The following CDK5RAP2 variants were observed in gnomAD, a reference collection of about 807,000 sequenced individuals.
CDK5RAP2 encodes CDK5 regulatory subunit-associated protein 2.
Under a neutral mutation model 232.9 loss-of-function variants are expected in CDK5RAP2, and 147 were observed. The ratio of observed to expected loss-of-function variants is 0.63; its 90% CI spans 0.55 to 0.72. The LOEUF (loss-of-function observed/expected upper bound fraction) is 0.72. Among genes scored for constraint, CDK5RAP2 ranks in the 30% least tolerant of loss-of-function variants. CDK5RAP2 has a pLI of 0.00. For missense variants in CDK5RAP2, 2,195 were observed against 2,231.5 expected (o/e 0.98, Z 0.33); for synonymous variants, 833 against 833.7 (o/e 1.00, Z 0.01).
chr9:120,408,714 T>C (rs555431116), intron 30 of CDK5RAP2, among the ~76,000 whole-genome samples: 17 of 152,356 alleles, frequency 1.1e-4, no homozygotes, highest in African/African-American at 4.1e-4. Context: ...TGCAGCCCGA[T>C]GTGATTTGGT....
intron 6 of CDK5RAP2, among the ~76,000 whole-genome samples, chr9:120,536,978 G>GA (rs879745635): frequency 0.026 from 2,740 of 105,886 alleles, 65 homozygotes; most frequent in African/African-American, 0.073. Flanking sequence ...ATTCAGTTGG[G>GA]AAAAAAAAAA....
rs1172124963 is a variant in CDK5RAP2 at position 120,539,065 on chromosome 9, A to G, written c.483T>C (p.Thr161=). ...CCTTTTCCAAAAGGAGTATTCTTTT[A>G]GTTAGGAGATCTTCCACCTGCTGCA... The part of the protein sequence containing the change: ...KKVQQVEDLL[T]KRILLLEKDV... The change falls in exon 6 of 38, where the codon ACT becomes ACC. Residue 161 remains threonine (T), a synonymous_variant. Transcript: ENST00000349780. The G allele has an allele frequency of 5.6e-6, 9 of 1,613,924 alleles. No individual in the cohort carries two copies. The African/African-American group carries it at 1.1e-4, about 19-fold the overall frequency.
At chr9:120,482,651 G>T (rs927969850) in intron 14 of CDK5RAP2, among the ~76,000 whole-genome samples, 1 of 152,172 alleles carries the variant, frequency 6.6e-6, no homozygotes, top group African/African-American at 2.4e-5. Context: ...AAGGCTGAGG[G>T]CTCCTGGCAA....
At chr9:120,481,391 T>C (rs759837882) in intron 14 of CDK5RAP2, among the ~76,000 whole-genome samples, 2 of 152,152 alleles carry the variant, frequency 1.3e-5, no homozygotes, top group Non-Finnish European at 1.5e-5. Flanking sequence ...GAAAATCTAT[T>C]GTTTCTTGAG....
intron 37 of CDK5RAP2, 49 bp downstream of exon 37, chr9:120,389,692 T>C (rs1588204331): frequency 6.4e-7 from 1 of 1,570,608 alleles, no homozygotes; most frequent in Non-Finnish European, 8.8e-7. Context: ...GGCCCTGCAC[T>C]CCTCCTGACC....
chr9:120,571,781 A>T, intron 2 of CDK5RAP2, 193 bp downstream of exon 2: 1 of 625,118 alleles, frequency 1.6e-6, no homozygotes, highest in Non-Finnish European at 2.9e-6. Flanking sequence ...AAAGGACAAC[A>T]ATTCCTCTAG....
chr9:120,521,679 T>C (rs2040667058), intron 11 of CDK5RAP2, among the ~76,000 whole-genome samples: 2 of 144,264 alleles, frequency 1.4e-5, no homozygotes, highest in African/African-American at 5.2e-5. Flanking sequence ...ACAGTCTCGC[T>C]CTGTTGCCCA....
intron 15 of CDK5RAP2, among the ~76,000 whole-genome samples, chr9:120,475,006 C>T (rs911641444): frequency 1.3e-5 from 2 of 152,206 alleles, no homozygotes; most frequent in Admixed American, 6.5e-5. Context: ...GCTTTTCATG[C>T]TGTCATTATT....
intron 5 of CDK5RAP2, among the ~76,000 whole-genome samples, chr9:120,541,634 T>C (rs1434318220): frequency 6.6e-6 from 1 of 152,240 alleles, no homozygotes; most frequent in Admixed American, 6.5e-5. Flanking sequence ...CCAACAAATA[T>C]GTTTATCTCA....
intron 34 of CDK5RAP2, among the ~76,000 whole-genome samples, chr9:120,402,080 C>T (rs1159019385): frequency 1.3e-5 from 2 of 152,076 alleles, no homozygotes; most frequent in Non-Finnish European, 2.9e-5. Context: ...TCATTTGAGC[C>T]CAGGAGTTCG....
rs756841252 is a variant in CDK5RAP2, at chr9:120,530,139, G to C, written c.664C>G (p.Leu222Val). The part of the protein sequence containing the change: ...MALVLDEKDR[L>V]IEELKLSLKS... Reference sequence around the variant, plus strand: ...AAAGACAGCTTCAACTCCTCAATCAGTCTAAAAGAGAACAAAATTTAAATA... The same window carrying C: ...AAAGACAGCTTCAACTCCTCAATCACTCTAAAAGAGAACAAAATTTAAATA... The change falls in exon 8 of 38, where the codon CTG (leucine) becomes GTG (valine). Residue 222 changes from leucine (L) to valine (V), a missense_variant and splice_region_variant. Transcript: ENST00000349780. 2 of 1,611,362 alleles carry C rather than the reference G, an allele frequency of 1.2e-6. No individual in the cohort carries two copies. The highest frequency in any genetic ancestry group is 2.7e-5 in the African/African-American group (2 of 74,856).
chr9:120,543,109 T>C (rs1026811445), intron 5 of CDK5RAP2, among the ~76,000 whole-genome samples: 3 of 152,176 alleles, frequency 2.0e-5, no homozygotes, highest in African/African-American at 7.2e-5. Flanking sequence ...CTCATGACCT[T>C]AACCCCAAAC....
At chr9:120,534,908 C>T (rs1185839306) in intron 7 of CDK5RAP2, among the ~76,000 whole-genome samples, 2 of 152,276 alleles carry the variant, frequency 1.3e-5, no homozygotes, top group Non-Finnish European at 2.9e-5. Context: ...CAAGGGAACA[C>T]GGAAATGATT....
chr9:120,389,923 G>T, intron 36 of CDK5RAP2, 136 bp from the exon 37 acceptor site: 1 of 769,108 alleles, frequency 1.3e-6, no homozygotes, highest in Non-Finnish European at 2.3e-6. Flanking sequence ...GAAGCATCCA[G>T]ACCAGAGGGA....
chr9:120,443,370 A>G lies in CDK5RAP2; in HGVS notation c.3148+250T>C, dbSNP rs1490008585. Among the ~76,000 whole-genome samples the G allele has an allele frequency of 2.0e-5, 3 of 152,222 alleles. No homozygotes were observed. In the East Asian group the frequency reaches 5.8e-4, roughly 29 times the overall value. ...ACCAGAACCCAGCCCACTGCCTGGT[A>G]GAGAAGCATGCTGACACATGGACGG... is the stretch of plus-strand genomic sequence containing the variant. On this transcript the variant is annotated intron_variant, in intron 23 of 37. Transcript: ENST00000349780.
At chr9:120,465,092 A>G (rs1435734435) in intron 18 of CDK5RAP2, among the ~76,000 whole-genome samples, 1 of 152,252 alleles carries the variant, frequency 6.6e-6, no homozygotes, top group Non-Finnish European at 1.5e-5. Flanking sequence ...GTCAAAAAAA[A>G]GTGAGTTTTC....
chr9:120,520,719 T>TGA (rs140172623), intron 11 of CDK5RAP2, among the ~76,000 whole-genome samples: 145,196 of 151,166 alleles, frequency 0.96, 70,010 homozygotes, highest in East Asian at 1. Context: ...TCATATATCA[T>TGA]GATATATCAT....
intron 8 of CDK5RAP2, chr9:120,529,035 C>A: frequency 3.5e-6 from 2 of 577,778 alleles, no homozygotes; most frequent in Non-Finnish European, 6.2e-6. Context: ...AGAGAGTAAA[C>A]CACAGTGCTG....
At chr9:120,454,337 C>G (rs2036635899) in intron 20 of CDK5RAP2, among the ~76,000 whole-genome samples, 1 of 152,188 alleles carries the variant, frequency 6.6e-6, no homozygotes, top group Non-Finnish European at 1.5e-5. Context: ...ATGACCTAAT[C>G]CATCTTGGTA....
Sources: allele counts gnomAD v4.1 joint callset (sites outside exome capture counted in the v4.1 genomes callset), GRCh38; gene constraint gnomAD v4.1.1; transcripts MANE v1.5; gene names NCBI Gene and HGNC (gene_info 2026-07-23, HGNC 2026-07-21).